Variants in BRD10 observed in about 807,000 individuals in gnomAD.
BRD10 encodes the protein bromodomain containing 10.
chr9:5,943,022 C>G, the BRD10 span, among the ~76,000 whole-genome samples: 1 of 152,102 alleles, frequency 6.6e-6, no homozygotes, highest in Admixed American at 6.6e-5. Flanking sequence ...GGACTACAGG[C>G]ATGCACCACC....
At chr9:5,926,121 T>C in the BRD10 span, among the ~76,000 whole-genome samples, 1 of 152,142 alleles carries the variant, frequency 6.6e-6, no homozygotes, top group Non-Finnish European at 1.5e-5. Flanking sequence ...TTTCACCATG[T>C]TGGCCAAGCT....
chr9:5,952,251 C>T, the BRD10 span, among the ~76,000 whole-genome samples: 68 of 152,102 alleles, frequency 4.5e-4, no homozygotes, highest in Non-Finnish European at 9.0e-4. Flanking sequence ...GAACTCCTGA[C>T]CTCAGGTGAT....
chr9:5,984,960 T>C, the BRD10 span, among the ~76,000 whole-genome samples: 3 of 151,754 alleles, frequency 2.0e-5, no homozygotes, highest in African/African-American at 7.3e-5. Context: ...GACAAACGAA[T>C]TTGAAAAAAA....
At chr9:5,927,060 T>A in the BRD10 span, among the ~76,000 whole-genome samples, 1 of 152,184 alleles carries the variant, frequency 6.6e-6, no homozygotes, top group African/African-American at 2.4e-5. Flanking sequence ...AATCATAAAA[T>A]GAATTTCCCT....
the BRD10 span, among the ~76,000 whole-genome samples, chr9:5,925,944 G>A: frequency 4.6e-5 from 7 of 151,346 alleles, no homozygotes; most frequent in Non-Finnish European, 1.0e-4. Context: ...TTCCTCCTTC[G>A]TCTTGCTCTG....
chr9:5,943,468 C>G, the BRD10 span, among the ~76,000 whole-genome samples: 1 of 150,708 alleles, frequency 6.6e-6, no homozygotes, highest in African/African-American at 2.4e-5. Context: ...CTGCAAAAAA[C>G]AGTAACACTC....
chr9:6,007,954 A>G, the BRD10 span: 1 of 1,303,746 alleles, frequency 7.7e-7, no homozygotes, highest in Non-Finnish European at 9.7e-7. Context: ...GGGGGTCTTG[A>G]GCTCACCGCC....
chr9:5,966,023 G>C, the BRD10 span, among the ~76,000 whole-genome samples: 1 of 152,148 alleles, frequency 6.6e-6, no homozygotes, highest in Non-Finnish European at 1.5e-5. Context: ...TATTAACTAG[G>C]TAAGCAGACA....
the BRD10 span, among the ~76,000 whole-genome samples, chr9:5,951,183 A>G: frequency 5.3e-5 from 8 of 152,114 alleles, no homozygotes; most frequent in Non-Finnish European, 7.4e-5. Context: ...CTGGGTGCAG[A>G]TATTAGGTGT....
the BRD10 span, chr9:5,890,661 G>C: frequency 3.3e-5 from 5 of 152,172 alleles, no homozygotes; most frequent in African/African-American, 1.2e-4. Context: ...CTATGGAGGA[G>C]GGACCAACAT....
At chr9:5,897,538 T>A in the BRD10 span, 1 of 1,606,034 alleles carries the variant, frequency 6.2e-7, no homozygotes, top group Non-Finnish European at 8.5e-7. Context: ...AAAGTGGATT[T>A]GTCTATCTCT....
chr9:5,913,580 A>G, the BRD10 span, among the ~76,000 whole-genome samples: 1 of 152,234 alleles, frequency 6.6e-6, no homozygotes, highest in East Asian at 1.9e-4. Context: ...GAAAACATAA[A>G]GAGGTTGTAA....
At chr9:5,944,307 C>A in the BRD10 span, among the ~76,000 whole-genome samples, 1 of 151,744 alleles carries the variant, frequency 6.6e-6, no homozygotes, top group Non-Finnish European at 1.5e-5. Flanking sequence ...TGCCCTTAAA[C>A]TCTAGTCTCT....
At chr9:5,950,727 T>C in the BRD10 span, among the ~76,000 whole-genome samples, 1 of 152,102 alleles carries the variant, frequency 6.6e-6, no homozygotes. Context: ...ATCCGTGGGG[T>C]ACTGGTTCCA....
At chr9:5,897,750 T>A in the BRD10 span, 1 of 1,069,812 alleles carries the variant, frequency 9.3e-7, no homozygotes, top group Non-Finnish European at 1.5e-6. Context: ...ATTGCCTCAT[T>A]ATAACCTTCA....
the BRD10 span, among the ~76,000 whole-genome samples, chr9:5,979,933 T>G: frequency 6.7e-6 from 1 of 149,662 alleles, no homozygotes; most frequent in Non-Finnish European, 1.5e-5. Flanking sequence ...GAGAATCACT[T>G]GAACCTGGGA....
At chr9:5,889,690 C>T in the BRD10 span, among the ~76,000 whole-genome samples, 13 of 152,060 alleles carry the variant, frequency 8.5e-5, no homozygotes, top group African/African-American at 3.1e-4. Flanking sequence ...GAGGCTGAGG[C>T]AGGAGAATTG....
the BRD10 span, among the ~76,000 whole-genome samples, chr9:5,940,345 C>G: frequency 6.6e-5 from 10 of 152,250 alleles, no homozygotes; most frequent in African/African-American, 2.2e-4. Flanking sequence ...AGGCACGCGC[C>G]ACTACAGCCT....
the BRD10 span, among the ~76,000 whole-genome samples, chr9:5,880,405 A>C: frequency 6.6e-6 from 1 of 151,680 alleles, no homozygotes; most frequent in Admixed American, 6.6e-5. Context: ...CCAGCTACTC[A>C]GGAGGCTGAT....
Sources: gnomAD v4.1 joint callset for allele counts (sites outside exome capture counted in the v4.1 genomes callset) on GRCh38, gnomAD v4.1.1 for gene constraint, MANE v1.5 for transcripts, NCBI Gene and HGNC (gene_info 2026-07-23, HGNC 2026-07-21) for gene names.